RFX4: variants seen among roughly 807,000 people sequenced by gnomAD.
RFX4 encodes regulatory factor X4.
Under a neutral mutation model 95.0 loss-of-function variants are expected in RFX4, and 10 were observed. The ratio of observed to expected loss-of-function variants is 0.11; its 90% CI spans 0.06 to 0.18. The LOEUF is 0.18. Among genes scored for constraint, RFX4 ranks in the 10% least tolerant of loss-of-function variants. The pLI is 1.00. For missense variants in RFX4, 640 were observed against 922.0 expected (o/e 0.69, Z 3.96); for synonymous variants, 321 against 340.7 (o/e 0.94, Z 0.64).
chr12:106,691,408 A>G (rs549596737), intron 7 of RFX4, among the ~76,000 whole-genome samples: 1 of 152,354 alleles, frequency 6.6e-6, no homozygotes, highest in South Asian at 2.1e-4. Context: ...CCTTAGGCCA[A>G]TTCCACCCCA....
At chr12:106,734,924 G>A in intron 15 of RFX4, among the ~76,000 whole-genome samples, 1 of 151,778 alleles carries the variant, frequency 6.6e-6, no homozygotes, top group Middle Eastern at 3.2e-3. Flanking sequence ...AAGTTAGCTG[G>A]GCATGGTGGT....
At chr12:106,722,295 T>A (rs2042410939) in intron 13 of RFX4, among the ~76,000 whole-genome samples, 1 of 152,226 alleles carries the variant, frequency 6.6e-6, no homozygotes, top group African/African-American at 2.4e-5. Flanking sequence ...CATATCCACA[T>A]CCACACAGCG....
chr12:106,608,669 T>C, intron 1 of RFX4, 128 bp from the exon 2 acceptor site: 1 of 873,384 alleles, frequency 1.1e-6, no homozygotes, highest in Non-Finnish European at 1.7e-6. Context: ...AGATGCCACA[T>C]GAATATTGAT....
In RFX4 at chr12:106,583,252, A is replaced by T; in HGVS notation, c.-69A>T. 1 of 608,332 alleles carries T rather than the reference A, an allele frequency of 1.6e-6. No homozygotes were observed. 37.7% of individuals were successfully genotyped at this position (608,332 alleles called of 1,614,324 possible). ...TCCCTCCCTCCCTTCCTCCCTGGGC[A>T]TCTCTAGCACAGGGGATCCCCAAAC... On this transcript the variant is annotated 5_prime_UTR_variant, in exon 1 of 18. Transcript: ENST00000392842.
At chr12:106,700,584 T>G (rs2041969276) in intron 8 of RFX4, among the ~76,000 whole-genome samples, 1 of 151,330 alleles carries the variant, frequency 6.6e-6, no homozygotes, top group African/African-American at 2.4e-5. Flanking sequence ...TTTTTTGTAT[T>G]TTTAGTAGAG....
At chr12:106,760,834 A>G (rs767682467) in intron 17 of RFX4, among the ~76,000 whole-genome samples, 1 of 151,760 alleles carries the variant, frequency 6.6e-6, no homozygotes, top group Non-Finnish European at 1.5e-5. Context: ...ATATTTATTT[A>G]TCTGGACATG....
At chr12:106,599,838 T>C (rs2039674561) in intron 1 of RFX4, among the ~76,000 whole-genome samples, 1 of 152,162 alleles carries the variant, frequency 6.6e-6, no homozygotes, top group Admixed American at 6.5e-5. Flanking sequence ...CATGTGATCC[T>C]GGCAAAATTA....
At chr12:106,737,017 C>T (rs1431764098) in intron 15 of RFX4, among the ~76,000 whole-genome samples, 1 of 152,076 alleles carries the variant, frequency 6.6e-6, no homozygotes, top group African/African-American at 2.4e-5. Flanking sequence ...CCTCCTTCTA[C>T]CCTCTGCCTG....
rs58283896 is a variant in RFX4 at position 106,714,068 on chromosome 12, C to CAAAAAAAAAAAAAAAAA, written c.994-1325_994-1309dup. On this transcript the variant is annotated intron_variant, in intron 10 of 17. Coordinates refer to ENST00000392842, the MANE Select transcript of RFX4 (RefSeq NM_213594.3). ...GGGCAACAAGAGTGAAACTCCATCTCAAAAAAAAAAAAAAAAAAAAAAAGC... is the reference window on the plus strand; with the variant it reads ...GGGCAACAAGAGTGAAACTCCATCTCAAAAAAAAAAAAAAAAAAAAAAAAAAAAAAAAAAAAAAAAGC... 3.7e-3 allele frequency among the ~76,000 whole-genome samples: 112 copies of CAAAAAAAAAAAAAAAAA among 30,516 alleles called. 10 individuals are homozygous for CAAAAAAAAAAAAAAAAA. The highest frequency in any genetic ancestry group is 7.6e-3 in the African/African-American group (49 of 6,488). The allele number at this position is 30,516 out of a possible 152,430, so 20.0% of individuals were successfully genotyped here. A position where few individuals can be genotyped will look rare whatever the true frequency, so the allele number is the denominator to read the frequency against.
chr12:106,583,403 G>T, intron 1 of RFX4, 40 bp downstream of exon 1: 1 of 1,517,150 alleles, frequency 6.6e-7, no homozygotes, highest in South Asian at 1.3e-5. Flanking sequence ...ACATTGGGAG[G>T]GAAGGAGAAG....
chr12:106,674,388 C>T (rs557737628), intron 4 of RFX4, among the ~76,000 whole-genome samples: 10 of 150,604 alleles, frequency 6.6e-5, no homozygotes, highest in South Asian at 2.1e-4. Flanking sequence ...TGGAGTGCAG[C>T]GGTGTGATCT....
At chr12:106,641,503 C>G (rs2040621378) in intron 3 of RFX4, among the ~76,000 whole-genome samples, 1 of 152,220 alleles carries the variant, frequency 6.6e-6, no homozygotes, top group Non-Finnish European at 1.5e-5. Context: ...GGAGCAGGCC[C>G]CGTCTCCTCC....
intron 15 of RFX4, among the ~76,000 whole-genome samples, chr12:106,740,723 T>C (rs2042790630): frequency 6.6e-6 from 1 of 152,132 alleles, no homozygotes; most frequent in South Asian, 2.1e-4. Flanking sequence ...CAGGTAAAGG[T>C]GTAATTTCAA....
intron 6 of RFX4, among the ~76,000 whole-genome samples, chr12:106,688,917 C>G (rs561850484): frequency 2.6e-5 from 4 of 152,212 alleles, no homozygotes; most frequent in African/African-American, 9.6e-5. Context: ...GTTCCATAAC[C>G]CTGCTTAGCT....
intron 3 of RFX4, among the ~76,000 whole-genome samples, chr12:106,648,388 G>A (rs912549010): frequency 3.3e-5 from 5 of 152,106 alleles, no homozygotes; most frequent in African/African-American, 1.2e-4. Flanking sequence ...GGAGCCAGGG[G>A]CCTTGGATGC....
chr12:106,642,097 G>A (rs760173216), intron 3 of RFX4, among the ~76,000 whole-genome samples: 2 of 151,634 alleles, frequency 1.3e-5, no homozygotes, highest in Non-Finnish European at 2.9e-5. Context: ...TGTAACCTCC[G>A]CCTCTTGGGT....
intron 3 of RFX4, among the ~76,000 whole-genome samples, chr12:106,643,786 T>C (rs1416027302): frequency 3.3e-5 from 5 of 152,234 alleles, no homozygotes; most frequent in Non-Finnish European, 5.9e-5. Context: ...TTATTTTGTT[T>C]ACACAAGAAA....
chr12:106,589,660 T>G (rs1015931160), intron 1 of RFX4, among the ~76,000 whole-genome samples: 1 of 152,156 alleles, frequency 6.6e-6, no homozygotes, highest in Non-Finnish European at 1.5e-5. Context: ...TCACCTAGAC[T>G]CTGCTGTCGT....
intron 1 of RFX4, among the ~76,000 whole-genome samples, chr12:106,602,572 C>T (rs549083757): frequency 6.6e-5 from 10 of 152,282 alleles, no homozygotes; most frequent in East Asian, 1.9e-4. Context: ...ACCACCTCCC[C>T]GTCAGTCACT....
Sources: gnomAD v4.1 joint callset for allele counts (sites outside exome capture counted in the v4.1 genomes callset) on GRCh38, gnomAD v4.1.1 for gene constraint, MANE v1.5 for transcripts, NCBI Gene and HGNC (gene_info 2026-07-23, HGNC 2026-07-21) for gene names.